The following BCAN variants were observed in gnomAD, a reference collection of about 807,000 sequenced individuals.
The protein encoded by BCAN is brevican.
A neutral mutation model predicts 92.4 loss-of-function variants in BCAN; 51 were observed. The observed-to-expected ratio is 0.55, with a 90% CI of 0.44 to 0.70. BCAN has a LOEUF of 0.70. Among genes scored for constraint, BCAN ranks in the 30% least tolerant of loss-of-function variants. BCAN has a pLI of 0.00. For synonymous variants in BCAN, 501 were observed against 505.2 expected (o/e 0.99, Z 0.11); for missense variants, 1,140 against 1,212.1 (o/e 0.94, Z 0.88).
At chr1:156,650,024 T>C (rs987559282) in intron 6 of BCAN, 7 of 504,266 alleles carry the variant, frequency 1.4e-5, no homozygotes, top group South Asian at 2.9e-5. Flanking sequence ...TTACTTCCAT[T>C]TGGACAGATC....
intron 11 of BCAN, 123 bp downstream of exon 11, chr1:156,657,880 C>T: frequency 1.2e-6 from 1 of 869,198 alleles, no homozygotes; most frequent in Non-Finnish European, 1.7e-6. Flanking sequence ...CTTTCTCGTG[C>T]CCTGTGCCTC....
chr1:156,659,024 C>T lies in BCAN; in HGVS notation c.2629-3C>T. 1.3e-6 allele frequency: 2 copies of T among 1,593,200 alleles called. No individual in the cohort carries two copies. The highest frequency in any genetic ancestry group is 2.3e-5 in the South Asian group (2 of 87,342). ...GTGGAGGGTGAGTGTGTGTCTTCCC[C>T]AGGCCCGAGCTCTGCACCCAGAGGA... is the stretch of plus-strand genomic sequence containing the variant. On this transcript the variant is annotated splice_region_variant and splice_polypyrimidine_tract_variant and intron_variant, in intron 13 of 13. Transcript: ENST00000329117.
rs1679409183 is a variant in BCAN at position 156,658,318 on chromosome 1, G to A, written c.2437+47G>A. On this transcript the variant is annotated intron_variant, in intron 12 of 13. Transcript: ENST00000329117. The surrounding 1 kb of genome is among the most constrained non-coding windows in gnomAD (Gnocchi z 4.4). ...TCCCAGCAAGGAAGTGGAGGGGTGG[G>A]CTAGGGGACCAGAGGGACTGATGTT... 1 of 1,602,846 alleles carries A rather than the reference G, an allele frequency of 6.2e-7. No individual in the cohort carries two copies. Among genetic ancestry groups the A allele is most frequent in the Non-Finnish European group, 8.5e-7 (1 of 1,173,808 alleles).
rs563830154 is a variant in BCAN, at chr1:156,646,689, C to A, written c.92-112C>A. 5 of 1,458,742 alleles carry A rather than the reference C, an allele frequency of 3.4e-6. No individual in the cohort carries two copies. In the African/African-American group the frequency reaches 5.8e-5, roughly 17 times the overall value. The allele number at this position is 1,458,742 out of a possible 1,614,324, so 90.4% of individuals were successfully genotyped here. On this transcript the variant is annotated intron_variant, in intron 2 of 13. Coordinates refer to ENST00000329117, the MANE Select transcript of BCAN (RefSeq NM_021948.5). ...CCCCTGGCCCCTGGTCCTAGGGGGG[C>A]CGGGGAATCCTGGGGCCGGAAGGAG...
Position 156,647,452 on chromosome 1 carries a change from G to T in BCAN, c.467-56G>T. On this transcript the variant is annotated intron_variant, in intron 3 of 13. Coordinates refer to ENST00000329117, the MANE Select transcript of BCAN (RefSeq NM_021948.5). The surrounding 1 kb of genome is among the most constrained non-coding windows in gnomAD (Gnocchi z 4.8). ...TACAGAGGAGTGACAAGGAGGGTGA[G>T]GGGAGGCCAGCGTGCTGGGTGCTCA... 1.4e-6 allele frequency: 2 copies of T among 1,480,850 alleles called. No homozygotes were observed. The highest frequency in any genetic ancestry group is 1.3e-5 in the South Asian group (1 of 74,252). 91.7% of individuals were successfully genotyped at this position (1,480,850 alleles called of 1,614,324 possible). A position where few individuals can be genotyped will look rare whatever the true frequency, so the allele number is the denominator to read the frequency against.
chr1:156,656,861 A>G, intron 9 of BCAN, 77 bp from the exon 10 acceptor site: 1 of 1,558,294 alleles, frequency 6.4e-7, no homozygotes, highest in Non-Finnish European at 8.7e-7. Flanking sequence ...GCGGTAGTGG[A>G]AGGAGACCAG....
intron 7 of BCAN, 146 bp from the exon 8 acceptor site, chr1:156,652,102 C>A: frequency 2.7e-6 from 3 of 1,092,586 alleles, no homozygotes; most frequent in Non-Finnish European, 3.9e-6. Context: ...TCCAGTGTGG[C>A]GCAAGGACCA....
chr1:156,646,719 C>T, intron 2 of BCAN, 82 bp from the exon 3 acceptor site: 1 of 1,496,374 alleles, frequency 6.7e-7, no homozygotes, highest in South Asian at 1.4e-5. Context: ...AAGGAGGGAT[C>T]CTGGAGCGGG....
chr1:156,647,205 G>T lies in BCAN; in HGVS notation c.466+30G>T, dbSNP rs866463315. The T allele has an allele frequency of 2.1e-6, 3 of 1,417,452 alleles. No homozygotes were observed. The Middle Eastern group carries it at 5.6e-4, about 266-fold the overall frequency. The allele number at this position is 1,417,452 out of a possible 1,614,324, so 87.8% of individuals were successfully genotyped here. A position where few individuals can be genotyped will look rare whatever the true frequency, so the allele number is the denominator to read the frequency against. On this transcript the variant is annotated intron_variant, in intron 3 of 13. Coordinates refer to ENST00000329117, the MANE Select transcript of BCAN (RefSeq NM_021948.5). The surrounding 1 kb of genome is among the most constrained non-coding windows in gnomAD (Gnocchi z 4.8). ...GAGGGCAGGGAGGTTCCAGAGGGAG[G>T]GAGGGAGGGAGGGAAGGGAGGACTC...
intron 9 of BCAN, 43 bp from the exon 10 acceptor site, chr1:156,656,895 C>A: frequency 6.3e-7 from 1 of 1,599,318 alleles, no homozygotes; most frequent in South Asian, 1.1e-5. Context: ...ACCTGGCCCT[C>A]TGGGTTTTGG....
intron 8 of BCAN, among the ~76,000 whole-genome samples, chr1:156,654,876 G>A (rs1400393541): frequency 6.6e-6 from 1 of 152,212 alleles, no homozygotes; most frequent in Non-Finnish European, 1.5e-5. Context: ...GAGGGAAGAT[G>A]ACAGAAGGAG....
Position 156,656,918 on chromosome 1 carries a change from C to T in BCAN, c.2051-20C>T. The T allele has an allele frequency of 6.2e-7, 1 of 1,608,838 alleles. No individual in the cohort carries two copies. Among genetic ancestry groups the T allele is most frequent in the Non-Finnish European group, 8.5e-7 (1 of 1,176,318 alleles). ...CTCTGGGTTTTGGGGCCCTAAGATGCCCGCCCTTATGTGCCGCAGGCCTCC... is the reference window on the plus strand; with the variant it reads ...CTCTGGGTTTTGGGGCCCTAAGATGTCCGCCCTTATGTGCCGCAGGCCTCC... On this transcript the variant is annotated intron_variant, in intron 9 of 13. Coordinates refer to ENST00000329117, the MANE Select transcript of BCAN (RefSeq NM_021948.5).
At chr1:156,651,249 C>T (rs1679152524) in intron 6 of BCAN, among the ~76,000 whole-genome samples, 1 of 152,082 alleles carries the variant, frequency 6.6e-6, no homozygotes, top group African/African-American at 2.4e-5. Context: ...TCCTCAGTGC[C>T]CAGGGGAATG....
chr1:156,657,310 G>A, intron 10 of BCAN: 1 of 728,186 alleles, frequency 1.4e-6, no homozygotes, highest in Non-Finnish European at 2.2e-6. Flanking sequence ...GGAGGTTCGC[G>A]CAGTAGAGTG....
intron 10 of BCAN, 55 bp from the exon 11 acceptor site, chr1:156,657,620 G>A: frequency 2.0e-6 from 3 of 1,479,306 alleles, no homozygotes; most frequent in Non-Finnish European, 2.8e-6. Context: ...CCGGGAGCGG[G>A]GAACGGCCGC....
At chr1:156,644,639 G>C (rs1473779092) in intron 1 of BCAN, 1 of 152,242 alleles carries the variant, frequency 6.6e-6, no homozygotes, top group Non-Finnish European at 1.5e-5. Context: ...CAGACACAGT[G>C]GGGGAGATGG....
Position 156,659,284 on chromosome 1 carries a change from A to C in BCAN, c.*150A>C. The C allele has an allele frequency of 1.6e-6, 1 of 638,444 alleles. No individual in the cohort carries two copies. The highest frequency in any genetic ancestry group is 2.6e-6 in the Non-Finnish European group (1 of 380,982). 39.5% of individuals were successfully genotyped at this position (638,444 alleles called of 1,614,324 possible). ...GACAGTTCCTGAAGGGGCTTCTGGGAAATACCTAGGAGGCTCCAGCCCAGC... is the reference window on the plus strand; with the variant it reads ...GACAGTTCCTGAAGGGGCTTCTGGGCAATACCTAGGAGGCTCCAGCCCAGC... On this transcript the variant is annotated 3_prime_UTR_variant, in exon 14 of 14. Coordinates refer to ENST00000329117, the MANE Select transcript of BCAN (RefSeq NM_021948.5).
At chr1:156,653,508 A>C (rs750460823) in intron 8 of BCAN, 53 of 986,220 alleles carry the variant, frequency 5.4e-5, no homozygotes, top group Non-Finnish European at 6.1e-5. Flanking sequence ...CCTGCTGTCC[A>C]CCTCTCTCAT....
chr1:156,655,492 TAAG>T (rs1222483681), intron 8 of BCAN, among the ~76,000 whole-genome samples: 2 of 152,070 alleles, frequency 1.3e-5, no homozygotes, highest in Non-Finnish European at 2.9e-5. Flanking sequence ...TCTGTGGATA[TAAG>T]AAGGGGAAGT....
Sources: gnomAD v4.1 joint callset for allele counts (sites outside exome capture counted in the v4.1 genomes callset) on GRCh38, gnomAD v4.1.1 for gene constraint, Gnocchi (gnomAD v3.1) non-coding constraint, MANE v1.5 for transcripts, NCBI Gene and HGNC (gene_info 2026-07-23, HGNC 2026-07-21) for gene names.